The following ATP2B2 variants were observed in gnomAD, a reference collection of about 807,000 sequenced individuals.
ATP2B2 encodes ATPase plasma membrane Ca2+ transporting 2, also known as plasma membrane calcium-transporting ATPase 2.
A neutral mutation model predicts 120.0 loss-of-function variants in ATP2B2; 15 were observed. The observed-to-expected ratio is 0.12, with a 90% CI of 0.08 to 0.19. ATP2B2 has a LOEUF of 0.19. Among genes scored for constraint, ATP2B2 ranks in the 10% least tolerant of loss-of-function variants. ATP2B2 has a pLI of 1.00. For missense variants in ATP2B2, 1,045 were observed against 1,719.8 expected (o/e 0.61, Z 6.94); for synonymous variants, 694 against 700.3 (o/e 0.99, Z 0.14).
intron 1 of ATP2B2, among the ~76,000 whole-genome samples, chr3:10,672,927 C>A (rs1194890522): frequency 6.6e-6 from 1 of 152,102 alleles, no homozygotes; most frequent in Non-Finnish European, 1.5e-5. Flanking sequence ...AAGGATGCTC[C>A]CAGAACTATT....
intron 2 of ATP2B2, among the ~76,000 whole-genome samples, chr3:10,546,274 A>T (rs1372389569): frequency 6.6e-6 from 1 of 152,096 alleles, no homozygotes; most frequent in Non-Finnish European, 1.5e-5. Flanking sequence ...TGACTCCAGC[A>T]GGAGGCAAGA....
chr3:10,374,447 ATTCCAGC>A (rs1337526403), intron 11 of ATP2B2, among the ~76,000 whole-genome samples: 1 of 152,198 alleles, frequency 6.6e-6, no homozygotes, highest in Non-Finnish European at 1.5e-5. Context: ...CCCAGCCCAA[ATTCCAGC>A]TTGGAAACTG....
In ATP2B2 at chr3:10,439,911, C is replaced by T. The variant is rs147504829; in HGVS notation, c.199+9434G>A. 1.0e-3 allele frequency among the ~76,000 whole-genome samples: 159 copies of T among 151,512 alleles called. 1 individual carries two copies. The East Asian group carries it at 0.029, about 28-fold the overall frequency. On this transcript the variant is annotated intron_variant, in intron 2 of 22. Coordinates refer to ENST00000360273, the MANE Select transcript of ATP2B2 (RefSeq NM_001001331.4). Reference sequence around the variant, plus strand: ...CTGGGATTACAAGCGTGTACCACCACACCCGGCTAATTTTTGAAACCCTGT... The same window carrying T: ...CTGGGATTACAAGCGTGTACCACCATACCCGGCTAATTTTTGAAACCCTGT...
intron 2 of ATP2B2, among the ~76,000 whole-genome samples, chr3:10,618,778 A>G (rs1241057156): frequency 6.6e-6 from 1 of 152,188 alleles, no homozygotes; most frequent in Non-Finnish European, 1.5e-5. Flanking sequence ...CATGAAAGAA[A>G]CATGTGCTTA....
At chr3:10,652,869 C>T (rs1352195713) in intron 1 of ATP2B2, among the ~76,000 whole-genome samples, 1 of 152,166 alleles carries the variant, frequency 6.6e-6, no homozygotes, top group African/African-American at 2.4e-5. Flanking sequence ...TGTGGTTCCA[C>T]TCATGAGGTA....
At chr3:10,655,562 T>G (rs1243605940) in intron 1 of ATP2B2, among the ~76,000 whole-genome samples, 3 of 152,164 alleles carry the variant, frequency 2.0e-5, no homozygotes, top group Non-Finnish European at 4.4e-5. Context: ...TGGCAATTAG[T>G]AGAAATGCCA....
At chr3:10,474,709 G>C (rs1009245881) in intron 1 of ATP2B2, among the ~76,000 whole-genome samples, 2 of 152,194 alleles carry the variant, frequency 1.3e-5, no homozygotes, top group African/African-American at 2.4e-5. Flanking sequence ...ACCTTGTAAG[G>C]TTCCACACTT....
In ATP2B2 at chr3:10,340,204, T is replaced by C. The variant is rs780497556; in HGVS notation, c.3237+38A>G. On this transcript the variant is annotated intron_variant, in intron 21 of 22. Coordinates refer to ENST00000360273, the MANE Select transcript of ATP2B2 (RefSeq NM_001001331.4). This position sits in a 1 kb window ranked among gnomAD's most constrained non-coding sequence, Gnocchi z 5.0. ...CCATCCAGTGCTGTCTCCCTTGCCC[T>C]GCTAACAGGCACCTCCTGCGACCTA... 1.3e-6 allele frequency: 2 copies of C among 1,599,364 alleles called. No individual in the cohort carries two copies. The highest frequency in any genetic ancestry group is 1.7e-5 in the Admixed American group (1 of 59,962).
At chr3:10,489,136 GA>G (rs1393543640) in intron 1 of ATP2B2, among the ~76,000 whole-genome samples, 2 of 152,220 alleles carry the variant, frequency 1.3e-5, no homozygotes, top group Non-Finnish European at 2.9e-5. Context: ...AAACAGCCAT[GA>G]GGCTCCCTCA....
At chr3:10,583,408 A>C (rs1008668671) in intron 2 of ATP2B2, among the ~76,000 whole-genome samples, 1 of 152,184 alleles carries the variant, frequency 6.6e-6, no homozygotes. Flanking sequence ...ATATCCAAAC[A>C]GTGCCTTATA....
At chr3:10,334,355 T>A (rs1488126336) in intron 22 of ATP2B2, among the ~76,000 whole-genome samples, 1 of 152,116 alleles carries the variant, frequency 6.6e-6, no homozygotes, top group Admixed American at 6.5e-5. Context: ...CATGTAGCTC[T>A]CCCTGCCGGG....
intron 1 of ATP2B2, among the ~76,000 whole-genome samples, chr3:10,690,419 A>AATATCT (rs1306563215): frequency 6.0e-5 from 9 of 149,626 alleles, no homozygotes; most frequent in African/African-American, 2.0e-4. Flanking sequence ...AAAAAAACAG[A>AATATCT]ATATCTATAT....
At chr3:10,350,333 CACCCT>C in intron 15 of ATP2B2, 60 bp downstream of exon 15, 1 of 1,608,308 alleles carries the variant, frequency 6.2e-7, no homozygotes, top group Non-Finnish European at 8.5e-7. Flanking sequence ...AATCATGCAG[CACCCT>C]ACCTCCCAGC....
At chr3:10,483,380 T>TA (rs1363278843) in intron 1 of ATP2B2, among the ~76,000 whole-genome samples, 1 of 152,192 alleles carries the variant, frequency 6.6e-6, no homozygotes, top group East Asian at 1.9e-4. Context: ...CCTGTGTCCC[T>TA]ACCTATCTAA....
chr3:10,359,114 C>A (rs907920509), intron 13 of ATP2B2, among the ~76,000 whole-genome samples, 189 bp from the exon 14 acceptor site: 1 of 152,184 alleles, frequency 6.6e-6, no homozygotes, highest in African/African-American at 2.4e-5. Context: ...ACTCAGCAAG[C>A]GGAGCCCCAC....
chr3:10,408,521 G>A (rs1252046623), intron 3 of ATP2B2, among the ~76,000 whole-genome samples: 2 of 152,152 alleles, frequency 1.3e-5, no homozygotes, highest in African/African-American at 4.8e-5. Context: ...CAGTGAAGCT[G>A]GACTGTGTGA....
chr3:10,623,054 CTTTT>C (rs34097914), intron 1 of ATP2B2, among the ~76,000 whole-genome samples: 31 of 106,614 alleles, frequency 2.9e-4, no homozygotes, highest in Middle Eastern at 6.0e-3. Context: ...TTGGTCAGCT[CTTTT>C]TTTTTTTTTT....
At chr3:10,495,993 G>A (rs2066132249) in intron 1 of ATP2B2, among the ~76,000 whole-genome samples, 1 of 152,174 alleles carries the variant, frequency 6.6e-6, no homozygotes, top group Admixed American at 6.5e-5. Context: ...CAAACAGCCT[G>A]GTCCACACCA....
intron 2 of ATP2B2, among the ~76,000 whole-genome samples, chr3:10,448,228 T>C (rs1280356967): frequency 1.3e-5 from 2 of 152,202 alleles, no homozygotes; most frequent in Non-Finnish European, 2.9e-5. Context: ...TGACATCCAC[T>C]TCTCCTTAGA....
Sources: gnomAD v4.1 joint callset for allele counts (sites outside exome capture counted in the v4.1 genomes callset) on GRCh38, gnomAD v4.1.1 for gene constraint, Gnocchi (gnomAD v3.1) non-coding constraint, MANE v1.5 for transcripts, NCBI Gene and HGNC (gene_info 2026-07-23, HGNC 2026-07-21) for gene names.